NUDT19: variants seen among roughly 807,000 people sequenced by gnomAD.
NUDT19 encodes acyl-coenzyme A diphosphatase NUDT19.
A neutral mutation model predicts 22.2 loss-of-function variants in NUDT19; 31 were observed. The ratio of observed to expected loss-of-function variants is 1.40; its 90% CI spans 1.05 to 1.89. The LOEUF is 1.89. Among genes scored for constraint, NUDT19 ranks in the 40% most tolerant of loss-of-function variants. The probability of loss-of-function intolerance (pLI) is 0.00; values close to 1 mark genes in which losing one functional copy is unlikely to be tolerated. For missense variants in NUDT19, 752 were observed against 514.2 expected (o/e 1.46, Z -4.47); for synonymous variants, 325 against 230.8 (o/e 1.41, Z -3.70).
At chr19:32,698,139 C>A (rs936338900) in intron 1 of NUDT19, among the ~76,000 whole-genome samples, 2 of 152,138 alleles carry the variant, frequency 1.3e-5, no homozygotes, top group African/African-American at 4.8e-5. Context: ...TATTCTCCTT[C>A]AATGAAAAGA....
chr19:32,711,816 T>A lies in NUDT19; in HGVS notation c.987T>A (p.Thr329=), dbSNP rs1568435800. 6.2e-7 allele frequency: 1 copy of A among 1,613,874 alleles called. No individual in the cohort carries two copies. Among genetic ancestry groups the A allele is most frequent in the Admixed American group, 1.7e-5 (1 of 60,002 alleles). ...LENLMSTEKK[T]EEIMKEGKQF... ...ATCTTATGTCTACTGAAAAAAAGAC[T>A]GAGGAAATCATGAAGGAAGGCAAGC... Residue 329 remains threonine (T), a synonymous_variant, in exon 3 of 3, where the codon ACT becomes ACA. Transcript: ENST00000397061.
intron 1 of NUDT19, among the ~76,000 whole-genome samples, chr19:32,705,914 C>G (rs1968382787): frequency 1.3e-5 from 2 of 152,058 alleles, no homozygotes; most frequent in Admixed American, 1.3e-4. Flanking sequence ...GTATGACCCT[C>G]ATAAGGTCTA....
At chr19:32,697,302 G>T (rs146784963) in intron 1 of NUDT19, among the ~76,000 whole-genome samples, 2 of 152,126 alleles carry the variant, frequency 1.3e-5, no homozygotes, top group African/African-American at 4.8e-5. Context: ...CCCAGGGCTC[G>T]CTTTTGGAGC....
intron 1 of NUDT19, among the ~76,000 whole-genome samples, chr19:32,698,376 G>A (rs1461467986): frequency 6.6e-6 from 1 of 152,112 alleles, no homozygotes; most frequent in Non-Finnish European, 1.5e-5. Flanking sequence ...GGGTGAGCCT[G>A]TTGATGCCTG....
At chr19:32,693,307 C>G (rs997683951) in intron 1 of NUDT19, among the ~76,000 whole-genome samples, 1 of 151,956 alleles carries the variant, frequency 6.6e-6, no homozygotes, top group Non-Finnish European at 1.5e-5. Context: ...CGCAGACCTT[C>G]GCAGTGAGTG....
At chr19:32,710,420 C>CA (rs34357522) in intron 2 of NUDT19, among the ~76,000 whole-genome samples, 198 of 107,020 alleles carry the variant, frequency 1.9e-3, no homozygotes, top group Non-Finnish European at 2.8e-3. Context: ...ACTGAAAATA[C>CA]AAAAAAAAAA....
rs566532934 is a variant in NUDT19, at chr19:32,708,688, C to T, written c.715-497C>T. Among the ~76,000 whole-genome samples the T allele has an allele frequency of 9.2e-5, 14 of 152,306 alleles. No homozygotes were observed. The South Asian group carries it at 2.5e-3, about 27-fold the overall frequency. On this transcript the variant is annotated intron_variant, in intron 1 of 2. Coordinates refer to ENST00000397061, the MANE Select transcript of NUDT19 (RefSeq NM_001105570.2). Reference sequence around the variant, plus strand: ...CACCGCCGTTGTACCATGTGGCACACATCACCACATCACAAAGCATTTTGG... The same window carrying T: ...CACCGCCGTTGTACCATGTGGCACATATCACCACATCACAAAGCATTTTGG...
intron 1 of NUDT19, among the ~76,000 whole-genome samples, chr19:32,697,640 C>G (rs1968280324): frequency 1.3e-5 from 2 of 152,138 alleles, no homozygotes; most frequent in Non-Finnish European, 2.9e-5. Context: ...GAATTTGTCC[C>G]TTTCTTCAAC....
chr19:32,699,682 C>G (rs987967595), intron 1 of NUDT19, among the ~76,000 whole-genome samples: 1 of 152,190 alleles, frequency 6.6e-6, no homozygotes, highest in South Asian at 2.1e-4. Context: ...CAAAGGCACT[C>G]ACCGCTTAGT....
At position 32,709,371 on chromosome 19, in the gene NUDT19, G is replaced by A. The variant is rs1414479197; in HGVS notation, c.901G>A (p.Gly301Arg). ...GCCGATCATCTTGTTAACTGCTGATGGGATGGTCCATCTTTTACCAGGTAA... is the reference window on the plus strand; with the variant it reads ...GCCGATCATCTTGTTAACTGCTGATAGGATGGTCCATCTTTTACCAGGTAA... ...WLPIILLTAD[G>R]MVHLLPGDEL... Residue 301 changes from glycine to arginine, a missense_variant, in exon 2 of 3, where the codon GGG becomes AGG. Physicochemically the swap from Gly to Arg is moderately radical, Grantham distance 125 (BLOSUM62 -2). Transcript: ENST00000397061. 12 of 1,613,988 alleles carry A rather than the reference G, an allele frequency of 7.4e-6. No individual in the cohort carries two copies. The highest frequency in any genetic ancestry group is 9.3e-6 in the Non-Finnish European group (11 of 1,179,906).
chr19:32,708,668 C>T (rs763268693), intron 1 of NUDT19, among the ~76,000 whole-genome samples: 3 of 152,250 alleles, frequency 2.0e-5, no homozygotes, highest in Non-Finnish European at 4.4e-5. Flanking sequence ...TGCTTCACCG[C>T]CGTTGTACCA....
rs142000558 is a variant in NUDT19, at chr19:32,698,619, G to A, written c.714+5945G>A. Among the ~76,000 whole-genome samples the A allele has an allele frequency of 5.3e-3, 806 of 152,198 alleles. 6 individuals are homozygous for A. Among genetic ancestry groups the A allele is most frequent in the African/African-American group, 0.018 (752 of 41,532 alleles). On this transcript the variant is annotated intron_variant, in intron 1 of 2. Coordinates refer to ENST00000397061, the MANE Select transcript of NUDT19 (RefSeq NM_001105570.2). The stretch of plus-strand genomic sequence containing the variant: ...AGAAACAACCCCTGCCCAAGAACCC[G>A]CAACAGTCCCTGGACCCTGCTGATC...
rs1968421443 is a variant in NUDT19 at position 32,709,320 on chromosome 19, G to A, written c.850G>A (p.Ala284Thr). The A allele has an allele frequency of 6.2e-7, 1 of 1,614,036 alleles. No individual in the cohort carries two copies. The highest frequency in any genetic ancestry group is 8.5e-7 in the Non-Finnish European group (1 of 1,180,022). Reference protein sequence around the residue: ...SDLHKFCLGRALEGLERWLPI... With the variant: ...SDLHKFCLGRTLEGLERWLPI... ...CTTGCACAAATTTTGTTTGGGTCGTGCATTAGAAGGACTGGAAAGGTGGCT... is the reference window on the plus strand; with the variant it reads ...CTTGCACAAATTTTGTTTGGGTCGTACATTAGAAGGACTGGAAAGGTGGCT... Residue 284 changes from alanine to threonine, a missense_variant, in exon 2 of 3, where the codon GCA becomes ACA. Transcript: ENST00000397061.
chr19:32,694,985 T>C (rs946764835), intron 1 of NUDT19, among the ~76,000 whole-genome samples: 1 of 152,192 alleles, frequency 6.6e-6, no homozygotes, highest in Admixed American at 6.5e-5. Context: ...GTTCCTCCTA[T>C]GTCTGGTCAG....
At chr19:32,708,128 G>A (rs1480349850) in intron 1 of NUDT19, among the ~76,000 whole-genome samples, 2 of 146,526 alleles carry the variant, frequency 1.4e-5, no homozygotes, top group South Asian at 2.3e-4. Flanking sequence ...CAGCCTGGGC[G>A]ACAGAGAGTA....
chr19:32,703,314 T>A (rs1968354703), intron 1 of NUDT19, among the ~76,000 whole-genome samples: 1 of 152,184 alleles, frequency 6.6e-6, no homozygotes, highest in African/African-American at 2.4e-5. Context: ...ACCATCAGTC[T>A]TAATGAGAAA....
In NUDT19 at chr19:32,703,244, G is replaced by A. The variant is rs1001071781; in HGVS notation, c.715-5941G>A. Among the ~76,000 whole-genome samples, 10 of 152,042 alleles carry A rather than the reference G, an allele frequency of 6.6e-5. No individual in the cohort carries two copies. The East Asian group carries it at 9.7e-4, about 15-fold the overall frequency. On this transcript the variant is annotated intron_variant, in intron 1 of 2. Transcript: ENST00000397061. ...TCGAACTCCCAACCTCAGGTAATCC[G>A]CACACCTCGGCCTCCCAAAGTGCTG...
chr19:32,702,583 G>A (rs1968347041), intron 1 of NUDT19, among the ~76,000 whole-genome samples: 1 of 152,120 alleles, frequency 6.6e-6, no homozygotes, highest in Non-Finnish European at 1.5e-5. Context: ...ACTCCAGCCT[G>A]GGTGACAGAG....
chr19:32,703,654 T>A (rs1968358348), intron 1 of NUDT19, among the ~76,000 whole-genome samples: 1 of 101,834 alleles, frequency 9.8e-6, no homozygotes, highest in African/African-American at 5.0e-5. Context: ...CAGCCTTTTT[T>A]TTTTTTTTTT....
Sources: allele counts gnomAD v4.1 joint callset (sites outside exome capture counted in the v4.1 genomes callset), GRCh38; gene constraint gnomAD v4.1.1; transcripts MANE v1.5; gene names NCBI Gene and HGNC (gene_info 2026-07-23, HGNC 2026-07-21).